The following FANK1 variants were observed in gnomAD, a reference collection of about 807,000 sequenced individuals.
FANK1 encodes fibronectin type III and ankyrin repeat domains 1, also known as fibronectin type 3 and ankyrin repeat domains protein 1.
Under a neutral mutation model 45.3 loss-of-function variants are expected in FANK1, and 44 were observed. That is an observed-to-expected ratio of 0.97 (90% CI 0.76 to 1.25). FANK1 has a LOEUF of 1.25. FANK1 is among the 50% of genes most tolerant of loss of function. The pLI is 0.00. For missense variants in FANK1, 391 were observed against 424.4 expected (o/e 0.92, Z 0.69); for synonymous variants, 149 against 152.5 (o/e 0.98, Z 0.17).
At chr10:125,957,611 A>G (rs1949662064) in intron 1 of FANK1, among the ~76,000 whole-genome samples, 2 of 151,722 alleles carry the variant, frequency 1.3e-5, no homozygotes, top group Admixed American at 1.3e-4. Context: ...TGCAACCTCC[A>G]TCTCCCAAAT....
At chr10:125,911,947 A>AG (rs1946048495) in intron 1 of FANK1, among the ~76,000 whole-genome samples, 1 of 152,208 alleles carries the variant, frequency 6.6e-6, no homozygotes, top group African/African-American at 2.4e-5. Context: ...CATGATAGTT[A>AG]GAGGGGAAAA....
intron 1 of FANK1, among the ~76,000 whole-genome samples, chr10:125,936,660 G>A (rs1025504777): frequency 3.3e-5 from 5 of 152,154 alleles, no homozygotes; most frequent in Admixed American, 3.3e-4. Context: ...AATCCATATT[G>A]TTGTAGATAG....
chr10:125,947,147 T>C (rs1386206155), intron 1 of FANK1, among the ~76,000 whole-genome samples: 121 of 149,634 alleles, frequency 8.1e-4, no homozygotes, highest in African/African-American at 2.6e-3. Context: ...CGGTACCAGC[T>C]GCTGCAAAAT....
intron 6 of FANK1, among the ~76,000 whole-genome samples, chr10:126,003,510 T>TG (rs1952932744): frequency 6.6e-6 from 1 of 152,198 alleles, no homozygotes; most frequent in Non-Finnish European, 1.5e-5. Flanking sequence ...GTGATGCAGG[T>TG]TGTCTCACAG....
At chr10:125,905,979 A>G (rs1564853868) in intron 1 of FANK1, among the ~76,000 whole-genome samples, 1 of 152,310 alleles carries the variant, frequency 6.6e-6, no homozygotes, top group Non-Finnish European at 1.5e-5. Context: ...TGAGAAAATA[A>G]TCAAATTCAG....
chr10:125,904,679 T>C (rs1224697445), intron 1 of FANK1, among the ~76,000 whole-genome samples: 2 of 151,122 alleles, frequency 1.3e-5, no homozygotes, highest in East Asian at 2.0e-4. Flanking sequence ...CCCCGCTTAG[T>C]GTGCTGTTTT....
chr10:125,924,465 G>A (rs1947189036), intron 1 of FANK1, among the ~76,000 whole-genome samples: 1 of 147,962 alleles, frequency 6.8e-6, no homozygotes, highest in Non-Finnish European at 1.5e-5. Context: ...CGTTGGGCAG[G>A]ATGGTCTCGA....
At position 125,983,333 on chromosome 10, in the gene FANK1, G is replaced by A. The variant is rs968084541; in HGVS notation, c.191+2995G>A. ...GCCACGCATTCCATTTATTCCATCA[G>A]CGTGTATTATTGAGTGTCTGCCGTG... On this transcript the variant is annotated intron_variant, in intron 2 of 10. Transcript: ENST00000368693. The surrounding 1 kb of genome is among the most constrained non-coding windows in gnomAD (Gnocchi z 4.3). 2.0e-5 allele frequency among the ~76,000 whole-genome samples: 3 copies of A among 152,112 alleles called. No individual in the cohort carries two copies. The highest frequency in any genetic ancestry group is 4.4e-5 in the Non-Finnish European group (3 of 68,040).
At chr10:126,000,257 T>G (rs1952657849) in intron 6 of FANK1, among the ~76,000 whole-genome samples, 1 of 152,226 alleles carries the variant, frequency 6.6e-6, no homozygotes, top group Non-Finnish European at 1.5e-5. Flanking sequence ...TCAAAATGAT[T>G]GTAATTTATC....
chr10:125,917,853 C>T (rs1051371622), intron 1 of FANK1, among the ~76,000 whole-genome samples: 1,082 of 128,876 alleles, frequency 8.4e-3, no homozygotes, highest in South Asian at 0.013. Context: ...AAGGATAAGG[C>T]GGGAGGATCA....
intron 1 of FANK1, among the ~76,000 whole-genome samples, chr10:125,912,230 A>G (rs1390139116): frequency 6.6e-6 from 1 of 152,196 alleles, no homozygotes; most frequent in Non-Finnish European, 1.5e-5. Context: ...CTCATCGATT[A>G]TTTGCACATG....
chr10:125,971,722 C>T (rs558662085), intron 1 of FANK1, among the ~76,000 whole-genome samples: 31 of 152,140 alleles, frequency 2.0e-4, no homozygotes, highest in African/African-American at 5.3e-4. Flanking sequence ...CCTGGGTTCA[C>T]GCCATTCTCC....
intron 6 of FANK1, chr10:126,004,614 A>T (rs571608684): frequency 1.3e-5 from 5 of 381,228 alleles, no homozygotes; most frequent in African/African-American, 1.0e-4. Context: ...ATGGAATCAG[A>T]CAATATGTGG....
At chr10:125,901,376 C>A (rs1564847611) in intron 1 of FANK1, among the ~76,000 whole-genome samples, 1 of 152,230 alleles carries the variant, frequency 6.6e-6, no homozygotes, top group African/African-American at 2.4e-5. Context: ...AGCTACCATG[C>A]CGTGTAAGTT....
intron 1 of FANK1, among the ~76,000 whole-genome samples, chr10:125,971,849 C>T (rs764515500): frequency 4.6e-5 from 7 of 152,102 alleles, no homozygotes; most frequent in Admixed American, 1.3e-4. Context: ...GTCTCGATCT[C>T]GTGACTTTGT....
chr10:125,925,012 T>C (rs917015383), intron 1 of FANK1, among the ~76,000 whole-genome samples: 2 of 136,896 alleles, frequency 1.5e-5, no homozygotes, highest in Non-Finnish European at 3.0e-5. Flanking sequence ...AATTTGTTAC[T>C]TAACACTCGT....
intron 1 of FANK1, among the ~76,000 whole-genome samples, chr10:125,962,532 T>C (rs1194878614): frequency 6.6e-6 from 1 of 152,206 alleles, no homozygotes; most frequent in East Asian, 1.9e-4. Flanking sequence ...CTCCTTTGTT[T>C]TGTCAGTTTT....
chr10:125,938,110 T>G (rs1948217086), intron 1 of FANK1, among the ~76,000 whole-genome samples: 1 of 152,220 alleles, frequency 6.6e-6, no homozygotes, highest in Non-Finnish European at 1.5e-5. Flanking sequence ...TGAACATTAC[T>G]CAGTCTCTTG....
intron 1 of FANK1, among the ~76,000 whole-genome samples, chr10:125,897,913 T>C (rs1944687673): frequency 6.9e-6 from 1 of 144,384 alleles, no homozygotes; most frequent in Non-Finnish European, 1.5e-5. Context: ...TCCCAGCACT[T>C]TGGGAGGCTG....
Sources: gnomAD v4.1 joint callset for allele counts (sites outside exome capture counted in the v4.1 genomes callset) on GRCh38, gnomAD v4.1.1 for gene constraint, Gnocchi (gnomAD v3.1) non-coding constraint, MANE v1.5 for transcripts, NCBI Gene and HGNC (gene_info 2026-07-23, HGNC 2026-07-21) for gene names.